Variants in CBFB observed in about 807,000 individuals in gnomAD.
CBFB encodes the protein CBF-beta.
A neutral mutation model predicts 30.4 loss-of-function variants in CBFB; 9 were observed. That is an observed-to-expected ratio of 0.30 (90% CI 0.18 to 0.52). The LOEUF is 0.52. CBFB is among the 20% of genes least tolerant of loss of function. The pLI is 0.97. For missense variants in CBFB, 170 were observed against 244.0 expected (o/e 0.70, Z 2.02); for synonymous variants, 94 against 84.0 (o/e 1.12, Z -0.65).
intron 4 of CBFB, among the ~76,000 whole-genome samples, chr16:67,072,651 A>G (rs754671520): frequency 1.3e-5 from 2 of 151,602 alleles, no homozygotes; most frequent in Non-Finnish European, 2.9e-5. Flanking sequence ...TTTTTAGTAG[A>G]GACGGGGTTT....
At chr16:67,049,701 G>A (rs1297819914) in intron 3 of CBFB, among the ~76,000 whole-genome samples, 1 of 151,894 alleles carries the variant, frequency 6.6e-6, no homozygotes, top group Non-Finnish European at 1.5e-5. Context: ...TGCTTAGGGT[G>A]GTCTCGAACT....
At chr16:67,042,432 G>A (rs1017769791) in intron 3 of CBFB, among the ~76,000 whole-genome samples, 5 of 152,070 alleles carry the variant, frequency 3.3e-5, no homozygotes, top group Admixed American at 2.6e-4. Context: ...TACAGGCATG[G>A]GACACTGCAT....
At chr16:67,055,357 C>CTTTCTTTTTTTTTTTTTTTTTTT (rs1484285498) in intron 3 of CBFB, among the ~76,000 whole-genome samples, 1 of 81,474 alleles carries the variant, frequency 1.2e-5, no homozygotes, top group African/African-American at 5.4e-5. Flanking sequence ...CAGACACTTT[C>CTTTCTTTTTTTTTTTTTTTTTTT]TTTTTTTTTT....
At chr16:67,057,011 C>T (rs895180429) in intron 3 of CBFB, among the ~76,000 whole-genome samples, 1 of 150,168 alleles carries the variant, frequency 6.7e-6, no homozygotes, top group Non-Finnish European at 1.5e-5. Flanking sequence ...GAGATGGAGT[C>T]TCACTCTTTC....
chr16:67,079,407 A>G (rs1961493016), intron 4 of CBFB, among the ~76,000 whole-genome samples: 1 of 151,940 alleles, frequency 6.6e-6, no homozygotes, highest in South Asian at 2.1e-4. Context: ...AGAAAACCCC[A>G]CTGACAGTGA....
Position 67,090,893 on chromosome 16 carries a change from C to T in CBFB, c.496-7817C>T, listed in dbSNP as rs532137238. ...ATGTGGTTTTTGTATTTGTATTTTG[C>T]ATAGTTTTGGGGCCTTCAATTCTGT... On this transcript the variant is annotated intron_variant, in intron 5 of 5. Coordinates refer to ENST00000412916, the MANE Select transcript of CBFB (RefSeq NM_022845.3). Among the ~76,000 whole-genome samples the T allele has an allele frequency of 2.0e-5, 3 of 152,254 alleles. No individual in the cohort carries two copies. In the South Asian group the frequency reaches 6.2e-4, roughly 32 times the overall value.
Position 67,091,712 on chromosome 16 carries a change from CT to C in CBFB, c.496-6990del, listed in dbSNP as rs1329990571. Among the ~76,000 whole-genome samples, 9 of 152,082 alleles carry C rather than the reference CT, an allele frequency of 5.9e-5. No individual in the cohort carries two copies. The South Asian group carries it at 1.0e-3, about 18-fold the overall frequency. ...ACAGATGTTTATAATTGTCTGCTGA[CT>C]TTTTTTTACCCTTTTTAAAATTTTT... On this transcript the variant is annotated intron_variant, in intron 5 of 5. Transcript: ENST00000412916.
intron 3 of CBFB, among the ~76,000 whole-genome samples, chr16:67,055,425 G>GGCGCATCTCGGCTCACTGCAAGCT (rs1960692278): frequency 7.4e-6 from 1 of 134,636 alleles, no homozygotes; most frequent in African/African-American, 2.9e-5. Flanking sequence ...GGAGTGCAGT[G>GGCGCATCTCGGCTCACTGCAAGCT]GCGCATCTCG....
intron 4 of CBFB, among the ~76,000 whole-genome samples, chr16:67,072,963 A>G (rs1020874120): frequency 2.0e-5 from 3 of 151,936 alleles, no homozygotes; most frequent in African/African-American, 7.3e-5. Flanking sequence ...TCCTCCTGCC[A>G]CAGCCTCCCA....
At chr16:67,092,874 G>C (rs545674598) in intron 5 of CBFB, among the ~76,000 whole-genome samples, 55 of 151,700 alleles carry the variant, frequency 3.6e-4, no homozygotes, top group South Asian at 1.7e-3. Context: ...CACCATGCCT[G>C]AGTAATTGTT....
intron 5 of CBFB, among the ~76,000 whole-genome samples, chr16:67,088,207 T>C (rs1961781970): frequency 6.6e-6 from 1 of 152,188 alleles, no homozygotes; most frequent in Non-Finnish European, 1.5e-5. Flanking sequence ...TGTGTGTCTT[T>C]TGGCACTTAG....
chr16:67,075,830 G>A (rs752973575), intron 4 of CBFB, among the ~76,000 whole-genome samples: 4 of 152,158 alleles, frequency 2.6e-5, no homozygotes, highest in African/African-American at 4.8e-5. Flanking sequence ...TACAGAACAG[G>A]CCAGTTATGG....
At chr16:67,042,350 T>G (rs1231549201) in intron 3 of CBFB, among the ~76,000 whole-genome samples, 1 of 152,074 alleles carries the variant, frequency 6.6e-6, no homozygotes, top group Admixed American at 6.6e-5. Context: ...GAGAAAAAAA[T>G]TTTGCTCAGG....
chr16:67,030,133 G>A (rs900691076), intron 2 of CBFB: 1 of 276,650 alleles, frequency 3.6e-6, no homozygotes, highest in Non-Finnish European at 6.7e-6. Flanking sequence ...GGTATTTGTA[G>A]CAAGCAAACC....
chr16:67,057,751 T>G (rs963230509), intron 3 of CBFB, among the ~76,000 whole-genome samples: 1 of 152,222 alleles, frequency 6.6e-6, no homozygotes, highest in Non-Finnish European at 1.5e-5. Flanking sequence ...TCAACTCCAC[T>G]GGTTAAATAA....
chr16:67,032,765 T>G (rs1966373440), intron 2 of CBFB, among the ~76,000 whole-genome samples: 1 of 152,264 alleles, frequency 6.6e-6, no homozygotes, highest in Non-Finnish European at 1.5e-5. Context: ...GGCATTATTT[T>G]GCCTGTTTTG....
Position 67,098,747 on chromosome 16 carries a change from T to G in CBFB, c.533T>G (p.Leu178Ter), listed in dbSNP as rs958547172. The change falls in exon 6 of 6, where the codon TTA (leucine) becomes TGA (stop). Residue 178 changes from leucine to a stop codon, truncating the protein, a stop_gained. Transcript: ENST00000412916. LOFTEE classifies it high-confidence loss of function. Reference sequence around the variant, plus strand: ...CAAGACCCTAGTCCTGGTTCCAATTTAGGTGGTGGTGATGACCTCAAACTT... The same window carrying G: ...CAAGACCCTAGTCCTGGTTCCAATTGAGGTGGTGGTGATGACCTCAAACTT... Reference protein sequence around the residue: ...RQQDPSPGSNLGGGDDLKLR With the variant: ...RQQDPSPGSN 6.2e-7 allele frequency: 1 copy of G among 1,610,314 alleles called. No homozygotes were observed. The highest frequency in any genetic ancestry group is 1.3e-5 in the African/African-American group (1 of 74,838).
At chr16:67,033,636 G>T (rs1966392081) in intron 2 of CBFB, among the ~76,000 whole-genome samples, 1 of 149,666 alleles carries the variant, frequency 6.7e-6, no homozygotes, top group African/African-American at 2.5e-5. Flanking sequence ...TTTTGAGACG[G>T]AGTCTTGCTC....
chr16:67,076,106 T>C (rs941034351), intron 4 of CBFB, among the ~76,000 whole-genome samples: 2 of 152,146 alleles, frequency 1.3e-5, no homozygotes, highest in Non-Finnish European at 1.5e-5. Flanking sequence ...GGTGGGTTCC[T>C]GTAGTCCAAG....
Sources: allele counts gnomAD v4.1 joint callset (sites outside exome capture counted in the v4.1 genomes callset), GRCh38; gene constraint gnomAD v4.1.1; transcripts MANE v1.5; gene names NCBI Gene and HGNC (gene_info 2026-07-23, HGNC 2026-07-21).